WDR27: variants seen among roughly 807,000 people sequenced by gnomAD.
WDR27 encodes the protein WD repeat domain 27.
Under a neutral mutation model 114.4 loss-of-function variants are expected in WDR27, and 100 were observed. That is an observed-to-expected ratio of 0.87 (90% CI 0.74 to 1.03). The LOEUF (loss-of-function observed/expected upper bound fraction) is 1.03, where lower values mean the gene tolerates loss of function less well. WDR27 is among the 50% of genes least tolerant of loss of function. The pLI is 0.00. For missense variants in WDR27, 1,129 were observed against 1,092.9 expected, an observed-to-expected ratio of 1.03 and a Z score of -0.47; for synonymous variants, 449 against 423.1, an observed-to-expected ratio of 1.06 and a Z score of -0.75.
At chr6:169,440,690 G>C in the WDR27 span, among the ~76,000 whole-genome samples, 1 of 151,954 alleles carries the variant, frequency 6.6e-6, no homozygotes, top group Non-Finnish European at 1.5e-5. Context: ...AATCATACCC[G>C]ATATGAATAA....
At chr6:169,506,951 A>G (rs2115510800) in intron 25 of WDR27, among the ~76,000 whole-genome samples, 1 of 152,368 alleles carries the variant, frequency 6.6e-6, no homozygotes, top group Non-Finnish European at 1.5e-5. Flanking sequence ...CTTATTATGT[A>G]GCATATTAAC....
At chr6:169,683,453 G>A (rs895115678) in intron 2 of WDR27, among the ~76,000 whole-genome samples, 1 of 151,916 alleles carries the variant, frequency 6.6e-6, no homozygotes, top group African/African-American at 2.4e-5. Context: ...ACTGTACCTG[G>A]AGAAACTGAC....
chr6:169,480,002 G>A (rs906036800), intron 25 of WDR27, among the ~76,000 whole-genome samples: 1 of 152,218 alleles, frequency 6.6e-6, no homozygotes, highest in African/African-American at 2.4e-5. Context: ...GCCAAGGCCA[G>A]AGCCGGCTCC....
chr6:169,695,218 ACAC>A (rs1360186789), intron 1 of WDR27, among the ~76,000 whole-genome samples: 19 of 152,180 alleles, frequency 1.2e-4, no homozygotes, highest in Non-Finnish European at 2.5e-4. Context: ...AAACAAATGG[ACAC>A]CACATGTTAT....
At chr6:169,641,164 G>A (rs980635750) in intron 17 of WDR27, among the ~76,000 whole-genome samples, 1 of 152,190 alleles carries the variant, frequency 6.6e-6, no homozygotes, top group African/African-American at 2.4e-5. Context: ...TGTCAGGGAC[G>A]GACCTCCCAC....
chr6:169,513,371 G>A (rs890369986), intron 25 of WDR27, among the ~76,000 whole-genome samples: 1 of 152,120 alleles, frequency 6.6e-6, no homozygotes, highest in African/African-American at 2.4e-5. Flanking sequence ...GAGTGGTCCC[G>A]GGACGCCCAG....
intron 25 of WDR27, among the ~76,000 whole-genome samples, chr6:169,469,804 G>C (rs1172156860): frequency 6.6e-6 from 1 of 152,172 alleles, no homozygotes; most frequent in African/African-American, 2.4e-5. Context: ...TGTTTCCACT[G>C]GTATAATCCC....
chr6:169,640,348 A>G (rs1306237399), intron 17 of WDR27, among the ~76,000 whole-genome samples: 1 of 152,216 alleles, frequency 6.6e-6, no homozygotes, highest in Non-Finnish European at 1.5e-5. Flanking sequence ...GGAAAGATAT[A>G]AGAATATGAA....
chr6:169,611,337 ACT>A (rs1268799935), intron 22 of WDR27, among the ~76,000 whole-genome samples: 1 of 126,732 alleles, frequency 7.9e-6, no homozygotes, highest in Non-Finnish European at 1.6e-5. Flanking sequence ...ACAGAGTCTC[ACT>A]CTGTCACCCA....
At chr6:169,683,119 G>A (rs1781953625) in intron 2 of WDR27, among the ~76,000 whole-genome samples, 2 of 152,088 alleles carry the variant, frequency 1.3e-5, no homozygotes, top group South Asian at 2.1e-4. Flanking sequence ...AAGGAATTGA[G>A]GAAGACGAAG....
intron 1 of WDR27, among the ~76,000 whole-genome samples, chr6:169,700,603 G>A (rs1056984827): frequency 6.6e-6 from 1 of 152,218 alleles, no homozygotes; most frequent in Non-Finnish European, 1.5e-5. Flanking sequence ...CAACATGGAA[G>A]AATTTTAGGC....
intron 23 of WDR27, among the ~76,000 whole-genome samples, chr6:169,583,486 TA>T: frequency 7.3e-6 from 1 of 136,330 alleles, no homozygotes. Flanking sequence ...TGTGTATATA[TA>T]CATATATATA....
chr6:169,685,360 A>C (rs1014857593), intron 2 of WDR27, among the ~76,000 whole-genome samples: 1 of 152,292 alleles, frequency 6.6e-6, no homozygotes, highest in South Asian at 2.1e-4. Context: ...ATCATAAGAA[A>C]ATATATGAAA....
intron 17 of WDR27, among the ~76,000 whole-genome samples, chr6:169,642,082 CTG>C (rs1346382345): frequency 6.6e-6 from 1 of 152,204 alleles, no homozygotes; most frequent in Non-Finnish European, 1.5e-5. Context: ...TGCTACCTGA[CTG>C]TATGCTCAGA....
At chr6:169,662,649 ACG>A (rs1826574261) in intron 8 of WDR27, among the ~76,000 whole-genome samples, 1 of 148,226 alleles carries the variant, frequency 6.7e-6, no homozygotes. Context: ...ACCCAGCATG[ACG>A]CGCATGCACC....
intron 25 of WDR27, among the ~76,000 whole-genome samples, chr6:169,459,326 C>T (rs1217012304): frequency 6.6e-6 from 1 of 151,602 alleles, no homozygotes; most frequent in Non-Finnish European, 1.5e-5. Context: ...AAAGTATTTA[C>T]TAGAGGAATT....
intron 1 of WDR27, among the ~76,000 whole-genome samples, chr6:169,700,591 C>G (rs1009983269): frequency 6.6e-6 from 1 of 152,164 alleles, no homozygotes; most frequent in African/African-American, 2.4e-5. Flanking sequence ...GGAAAAAAAC[C>G]ACAACATGGA....
chr6:169,621,935 T>C (rs1043779771), intron 21 of WDR27, among the ~76,000 whole-genome samples: 9 of 151,806 alleles, frequency 5.9e-5, no homozygotes, highest in African/African-American at 1.9e-4. Context: ...GAAAGGAAAA[T>C]AAATCTCTGG....
intron 25 of WDR27, among the ~76,000 whole-genome samples, chr6:169,464,529 A>G (rs918032125): frequency 1.3e-5 from 2 of 152,242 alleles, no homozygotes; most frequent in Non-Finnish European, 2.9e-5. Flanking sequence ...AAAATAGACA[A>G]GTGGAAAAAT....
Sources: allele counts gnomAD v4.1 joint callset (sites outside exome capture counted in the v4.1 genomes callset), GRCh38; gene constraint gnomAD v4.1.1; transcripts MANE v1.5; gene names NCBI Gene and HGNC (gene_info 2026-07-23, HGNC 2026-07-21).